Variants in SSPN observed in about 807,000 individuals in gnomAD.
The protein encoded by SSPN is sarcospan, also known as K-ras oncogene-associated protein.
SSPN carries 15 observed loss-of-function variants against 19.1 expected under a neutral mutation model. The ratio of observed to expected loss-of-function variants is 0.78; its 90% CI spans 0.52 to 1.21. The LOEUF is 1.21. Among genes scored for constraint, SSPN ranks in the 50% most tolerant of loss-of-function variants. The pLI is 0.00. For synonymous variants in SSPN, 147 were observed against 140.3 expected, an observed-to-expected ratio of 1.05 and a Z score of -0.34; for missense variants, 291 against 314.0, an observed-to-expected ratio of 0.93 and a Z score of 0.55.
intron 1 of SSPN, among the ~76,000 whole-genome samples, chr12:26,160,963 C>T (rs1944584584): frequency 6.6e-6 from 1 of 151,982 alleles, no homozygotes; most frequent in Non-Finnish European, 1.5e-5. Flanking sequence ...CAAAAATTAG[C>T]TGGGCATGGT....
At chr12:26,215,201 T>G (rs1945034085) in intron 1 of SSPN, among the ~76,000 whole-genome samples, 1 of 152,166 alleles carries the variant, frequency 6.6e-6, no homozygotes, top group African/African-American at 2.4e-5. Context: ...TAGATTAGGG[T>G]GGCCATTGAT....
chr12:26,122,539 G>A (rs1944319624), intron 1 of SSPN: 13 of 1,256,274 alleles, frequency 1.0e-5, no homozygotes, highest in Admixed American at 3.2e-5. Context: ...AACGCCACCA[G>A]CGAGCTGAGC....
intron 1 of SSPN, among the ~76,000 whole-genome samples, chr12:26,201,046 T>TAATATATATATATATATATAAAA (rs59727119): frequency 1.3e-5 from 1 of 77,212 alleles, no homozygotes; most frequent in African/African-American, 5.3e-5. Flanking sequence ...TATATATATA[T>TAATATATATATATATATATAAAA]TATATATATA....
chr12:26,171,867 C>T (rs1944655511), intron 1 of SSPN, among the ~76,000 whole-genome samples: 1 of 152,122 alleles, frequency 6.6e-6, no homozygotes, highest in Non-Finnish European at 1.5e-5. Flanking sequence ...AGGAAGGAAT[C>T]CTGGAATTGG....
chr12:26,126,170 G>A (rs1044286399), intron 1 of SSPN: 8 of 152,210 alleles, frequency 5.3e-5, no homozygotes, highest in African/African-American at 1.9e-4. Flanking sequence ...AGCAAGAGCC[G>A]GGTTACCTTT....
chr12:26,195,641 G>T lies in SSPN; in HGVS notation c.-32G>T, dbSNP rs1027585283. 2.7e-6 allele frequency: 3 copies of T among 1,105,402 alleles called. No homozygotes were observed. Among genetic ancestry groups the T allele is most frequent in the Non-Finnish European group, 3.4e-6 (3 of 878,120 alleles). The allele number at this position is 1,105,402 out of a possible 1,614,324, so 68.5% of individuals were successfully genotyped here. On this transcript the variant is annotated 5_prime_UTR_variant, in exon 1 of 3. Coordinates refer to ENST00000242729, the MANE Select transcript of SSPN (RefSeq NM_005086.5). Reference sequence around the variant, plus strand: ...CTCCAGGGCCCAGGGCGCCGCACACGCACCCACCCACCCACCCAGCCTCGC... The same window carrying T: ...CTCCAGGGCCCAGGGCGCCGCACACTCACCCACCCACCCACCCAGCCTCGC...
At chr12:26,156,322 T>A (rs1163452222) in intron 1 of SSPN, among the ~76,000 whole-genome samples, 1 of 152,154 alleles carries the variant, frequency 6.6e-6, no homozygotes, top group Non-Finnish European at 1.5e-5. Flanking sequence ...CCCACAGTAT[T>A]TTCATTCGAA....
At chr12:26,189,527 C>T (rs1212430647) in intron 1 of SSPN, among the ~76,000 whole-genome samples, 3 of 152,020 alleles carry the variant, frequency 2.0e-5, no homozygotes, top group Admixed American at 6.6e-5. Flanking sequence ...ATCAAATGTC[C>T]CCTCCTTCAG....
At chr12:26,207,213 T>G (rs1488894180) in intron 1 of SSPN, among the ~76,000 whole-genome samples, 1 of 152,220 alleles carries the variant, frequency 6.6e-6, no homozygotes, top group Non-Finnish European at 1.5e-5. Context: ...ATTTTTAAAT[T>G]TTCATTTCTA....
At chr12:26,148,339 T>C (rs1944505194) in intron 1 of SSPN, among the ~76,000 whole-genome samples, 1 of 152,240 alleles carries the variant, frequency 6.6e-6, no homozygotes, top group Non-Finnish European at 1.5e-5. Context: ...TGCTGCATTT[T>C]GTATTTTAGT....
Position 26,234,048 on chromosome 12 carries a change from A to G in SSPN, c.*2972A>G, listed in dbSNP as rs189714574. 1.3e-5 allele frequency: 2 copies of G among 152,264 alleles called. No individual in the cohort carries two copies. Among genetic ancestry groups the G allele is most frequent in the East Asian group, 1.9e-4 (1 of 5,192 alleles). The allele number at this position is 152,264 out of a possible 1,614,324, so 9.4% of individuals were successfully genotyped here. ...TTTTTTTTCTTTGGATTAAAAGTGT[A>G]TATCTCTCTACTGAGGGGTTTCCAG... On this transcript the variant is annotated 3_prime_UTR_variant, in exon 3 of 3. Coordinates refer to ENST00000242729, the MANE Select transcript of SSPN (RefSeq NM_005086.5).
chr12:26,204,020 A>G (rs555073305), intron 1 of SSPN, among the ~76,000 whole-genome samples: 1 of 152,328 alleles, frequency 6.6e-6, no homozygotes, highest in South Asian at 2.1e-4. Context: ...ATCTCCAAAT[A>G]TAGTTACTTT....
chr12:26,189,893 A>G (rs1479181748), intron 1 of SSPN, among the ~76,000 whole-genome samples: 1 of 152,172 alleles, frequency 6.6e-6, no homozygotes, highest in Non-Finnish European at 1.5e-5. Context: ...GAACTTTTAT[A>G]TGGAGATGTG....
chr12:26,217,598 A>T (rs903542038), intron 1 of SSPN, among the ~76,000 whole-genome samples: 1 of 124,912 alleles, frequency 8.0e-6, no homozygotes, highest in Non-Finnish European at 1.7e-5. Flanking sequence ...CCTGGCCAGA[A>T]CTTCCAACAC....
chr12:26,123,260 C>T, intron 1 of SSPN: 1 of 1,424,676 alleles, frequency 7.0e-7, no homozygotes, highest in Non-Finnish European at 9.3e-7. Flanking sequence ...CACGTGGGCC[C>T]TGCATCGACT....
At chr12:26,126,240 G>A (rs1251506156) in intron 1 of SSPN, among the ~76,000 whole-genome samples, 1 of 152,178 alleles carries the variant, frequency 6.6e-6, no homozygotes, top group Admixed American at 6.5e-5. Flanking sequence ...GAGGTGCCCG[G>A]GGATGCGCAC....
intron 1 of SSPN, among the ~76,000 whole-genome samples, chr12:26,162,045 T>A (rs4963968): frequency 0.2 from 29,784 of 152,080 alleles, 4,915 homozygotes; most frequent in African/African-American, 0.45. Context: ...CTAGTCCATA[T>A]TATTGAATGA....
chr12:26,154,156 A>G (rs1944542919), intron 1 of SSPN, among the ~76,000 whole-genome samples: 1 of 152,186 alleles, frequency 6.6e-6, no homozygotes, highest in Non-Finnish European at 1.5e-5. Context: ...GGTACTATGA[A>G]AAGGCCCATT....
upstream of SSPN, among the ~76,000 whole-genome samples, chr12:26,192,350 T>C (rs1420340578): frequency 6.6e-6 from 1 of 152,194 alleles, no homozygotes; most frequent in Non-Finnish European, 1.5e-5. Flanking sequence ...ACCTATAAAA[T>C]AGTGACATCA....
Sources: allele counts gnomAD v4.1 joint callset (sites outside exome capture counted in the v4.1 genomes callset), GRCh38; gene constraint gnomAD v4.1.1; transcripts MANE v1.5; gene names NCBI Gene and HGNC (gene_info 2026-07-23, HGNC 2026-07-21).